EAPP: variants seen among roughly 807,000 people sequenced by gnomAD.
EAPP encodes the protein E2F-associated phosphoprotein.
Under a neutral mutation model 34.3 loss-of-function variants are expected in EAPP, and 38 were observed. That is an observed-to-expected ratio of 1.11 (90% CI 0.85 to 1.45). EAPP has a LOEUF of 1.45. EAPP is among the 40% of genes most tolerant of loss of function. The probability of loss-of-function intolerance (pLI) is 0.00; values close to 1 mark genes in which losing one functional copy is unlikely to be tolerated. For synonymous variants in EAPP, 113 were observed against 117.6 expected (o/e 0.96, Z 0.25); for missense variants, 338 against 343.7 (o/e 0.98, Z 0.13).
chr14:34,528,720 C>T (rs917417383), intron 4 of EAPP, among the ~76,000 whole-genome samples: 1 of 151,324 alleles, frequency 6.6e-6, no homozygotes, highest in African/African-American at 2.4e-5. Flanking sequence ...CACCCTGGCC[C>T]ATCCACATAA....
Position 34,539,667 on chromosome 14 carries a change from G to A in EAPP, c.-39C>T, listed in dbSNP as rs1880601294. ...GGCCTACACCGTCCACAAGCAATTT[G>A]CAGCGTCTCTGTTTACACTGCAAGT... On this transcript the variant is annotated 5_prime_UTR_variant, in exon 1 of 6. Transcript: ENST00000250454. 2 of 1,510,004 alleles carry A rather than the reference G, an allele frequency of 1.3e-6. No individual in the cohort carries two copies. The highest frequency in any genetic ancestry group is 1.8e-6 in the Non-Finnish European group (2 of 1,130,796). 93.5% of individuals were successfully genotyped at this position (1,510,004 alleles called of 1,614,324 possible).
chr14:34,523,230 A>G (rs1056113400), intron 5 of EAPP, among the ~76,000 whole-genome samples: 14 of 147,812 alleles, frequency 9.5e-5, no homozygotes, highest in Non-Finnish European at 1.8e-4. Flanking sequence ...TTTGCACTAG[A>G]AAAGATACCT....
At chr14:34,525,964 G>A (rs1002608236) in intron 4 of EAPP, among the ~76,000 whole-genome samples, 1 of 151,880 alleles carries the variant, frequency 6.6e-6, no homozygotes, top group Non-Finnish European at 1.5e-5. Context: ...AGCTTGCAGT[G>A]AGCCGAGATC....
At chr14:34,536,886 GATAGAT>G (rs1361503907) in intron 1 of EAPP, among the ~76,000 whole-genome samples, 1 of 151,982 alleles carries the variant, frequency 6.6e-6, no homozygotes, top group African/African-American at 2.4e-5. Context: ...AAAATACATA[GATAGAT>G]ATATAGATAG....
intron 1 of EAPP, among the ~76,000 whole-genome samples, chr14:34,538,757 T>C (rs1472262762): frequency 1.3e-5 from 2 of 152,222 alleles, no homozygotes; most frequent in African/African-American, 2.4e-5. Context: ...AAAGCTTCTT[T>C]AGGCAGAATG....
At chr14:34,539,370 GCACCGCCTCCCCCCGGGACTGCGCGA>G (rs779208753) in intron 1 of EAPP, 159 bp downstream of exon 1, 1 of 715,214 alleles carries the variant, frequency 1.4e-6, no homozygotes, top group South Asian at 1.5e-5. Flanking sequence ...GGCGACATCG[GCACCGCCTCCCCCCGGGACTGCGCGA>G]CCCCATCAGG....
chr14:34,528,414 CCTTTTT>C (rs1325122887), intron 4 of EAPP, among the ~76,000 whole-genome samples: 3 of 54,148 alleles, frequency 5.5e-5, no homozygotes, highest in Non-Finnish European at 1.3e-4. Context: ...TCCACAAAAC[CCTTTTT>C]TTTTTTTTTT....
At chr14:34,531,588 C>T (rs1230563503) in intron 3 of EAPP, among the ~76,000 whole-genome samples, 2 of 151,782 alleles carry the variant, frequency 1.3e-5, no homozygotes, top group Admixed American at 1.3e-4. Context: ...GGCGATAGAG[C>T]GAGACTTTGT....
chr14:34,519,885 C>CTTTTTTTTT (rs763536134), intron 5 of EAPP, among the ~76,000 whole-genome samples: 1 of 133,700 alleles, frequency 7.5e-6, no homozygotes. Context: ...TCTTTCTTTT[C>CTTTTTTTTT]TTTTTTTTTT....
intron 5 of EAPP, among the ~76,000 whole-genome samples, chr14:34,521,046 T>C (rs545371278): frequency 1.3e-5 from 2 of 152,112 alleles, no homozygotes; most frequent in East Asian, 3.9e-4. Context: ...CCTTCTCAAG[T>C]TTTGGAACAT....
chr14:34,534,980 A>G (rs1307155049), intron 2 of EAPP, among the ~76,000 whole-genome samples: 1 of 151,376 alleles, frequency 6.6e-6, no homozygotes, highest in African/African-American at 2.4e-5. Context: ...CTCGGACTGC[A>G]GGCACGTGCC....
chr14:34,536,015 G>C (rs946602287), intron 2 of EAPP, 79 bp downstream of exon 2: 5 of 1,012,474 alleles, frequency 4.9e-6, no homozygotes, highest in Non-Finnish European at 5.8e-6. Flanking sequence ...AAAGTGCTGG[G>C]AACATAGAAG....
chr14:34,530,628 A>C (rs766339528), intron 3 of EAPP, among the ~76,000 whole-genome samples: 1 of 152,232 alleles, frequency 6.6e-6, no homozygotes, highest in Non-Finnish European at 1.5e-5. Flanking sequence ...TATTTACCCA[A>C]AACTGGTATC....
intron 2 of EAPP, among the ~76,000 whole-genome samples, chr14:34,533,896 G>C (rs1161243775): frequency 6.6e-6 from 1 of 152,056 alleles, no homozygotes; most frequent in Non-Finnish European, 1.5e-5. Context: ...GAAACATTAG[G>C]AGAAAAAGGG....
chr14:34,533,632 A>C, intron 2 of EAPP, 93 bp from the exon 3 acceptor site: 3 of 745,208 alleles, frequency 4.0e-6, no homozygotes, highest in Non-Finnish European at 4.4e-6. Context: ...TCAAAACAAT[A>C]TCAACTCATT....
At position 34,524,758 on chromosome 14, in the gene EAPP, T is replaced by G; in HGVS notation, c.520A>C (p.Asn174His). 6.2e-7 allele frequency: 1 copy of G among 1,612,972 alleles called. No individual in the cohort carries two copies. The highest frequency in any genetic ancestry group is 8.5e-7 in the Non-Finnish European group (1 of 1,179,736). Reference sequence around the variant, plus strand: ...GGACAATTCAAGACAGCATCACTATTTGGAACAGGCTGTTGTTGACGTGAT... The same window carrying G: ...GGACAATTCAAGACAGCATCACTATGTGGAACAGGCTGTTGTTGACGTGAT... ...QRSRQQQPVP[N>H]SDAVLNCPAC... Residue 174 changes from asparagine (N) to histidine (H), a missense_variant, in exon 5 of 6, where the codon AAT becomes CAT. By Grantham distance (68) the Asn-to-His change is moderately conservative (BLOSUM62 1). Transcript: ENST00000250454.
At chr14:34,536,457 AATTTTT>A in intron 1 of EAPP, 182 bp from the exon 2 acceptor site, 1 of 312,090 alleles carries the variant, frequency 3.2e-6, no homozygotes, top group Non-Finnish European at 5.4e-6. Flanking sequence ...AATCTTCTTT[AATTTTT>A]TTTTTTTTTT....
At position 34,539,260 on chromosome 14, in the gene EAPP, C is replaced by A. The variant is rs1012627204; in HGVS notation, c.74+295G>T. On this transcript the variant is annotated intron_variant, in intron 1 of 5. Coordinates refer to ENST00000250454, the MANE Select transcript of EAPP (RefSeq NM_018453.4). ...AATCGAGGATAACTGACTTGCCTTC[C>A]GTCACTCTGCTACTAAGGTGTAGAG... 6.8e-6 allele frequency: 4 copies of A among 590,798 alleles called. No homozygotes were observed. The African/African-American group carries it at 7.4e-5, about 11-fold the overall frequency. 36.6% of individuals were successfully genotyped at this position (590,798 alleles called of 1,614,324 possible). A position where few individuals can be genotyped will look rare whatever the true frequency, so the allele number is the denominator to read the frequency against.
chr14:34,536,633 T>G (rs1880487158), intron 1 of EAPP, among the ~76,000 whole-genome samples: 1 of 151,704 alleles, frequency 6.6e-6, no homozygotes, highest in Admixed American at 6.6e-5. Flanking sequence ...CCCAGCTGTT[T>G]TTTTGTTTTG....
Sources: allele counts gnomAD v4.1 joint callset (sites outside exome capture counted in the v4.1 genomes callset), GRCh38; gene constraint gnomAD v4.1.1; transcripts MANE v1.5; gene names NCBI Gene and HGNC (gene_info 2026-07-23, HGNC 2026-07-21).